The following GNG7 variants were observed in gnomAD, a reference collection of about 807,000 sequenced individuals.
GNG7 encodes the protein guanine nucleotide-binding protein G(I)/G(S)/G(O) subunit gamma-7.
Under a neutral mutation model 4.0 loss-of-function variants are expected in GNG7, and 1 was observed. That is an observed-to-expected ratio of 0.25 (90% confidence interval 0.09 to 1.18). The LOEUF (loss-of-function observed/expected upper bound fraction) is 1.18. GNG7 is among the 50% of genes most tolerant of loss of function. The pLI is 0.50. For synonymous variants in GNG7, 34 were observed against 36.9 expected (o/e 0.92, Z 0.29); for missense variants, 86 against 91.9 (o/e 0.94, Z 0.26).
At chr19:2,558,250 G>GT (rs57101652) in intron 2 of GNG7, among the ~76,000 whole-genome samples, 33 of 145,834 alleles carry the variant, frequency 2.3e-4, no homozygotes, top group South Asian at 4.3e-4. Context: ...TTTTGTTTTT[G>GT]TTTTTTTTTT....
chr19:2,537,818 A>G (rs1978793174), intron 3 of GNG7, among the ~76,000 whole-genome samples: 1 of 152,104 alleles, frequency 6.6e-6, no homozygotes, highest in Non-Finnish European at 1.5e-5. Flanking sequence ...TCAAAAGAAC[A>G]TAATGAATGC....
At chr19:2,523,506 A>T (rs372840595) in intron 3 of GNG7, among the ~76,000 whole-genome samples, 8 of 152,198 alleles carry the variant, frequency 5.3e-5, no homozygotes, top group African/African-American at 1.9e-4. Flanking sequence ...TGGGCAATTT[A>T]GTGAGACCCC....
rs952843728 is a variant in GNG7 at position 2,603,995 on chromosome 19, C to T, written c.-78+42229G>A. Among the ~76,000 whole-genome samples, 38 of 152,036 alleles carry T rather than the reference C, an allele frequency of 2.5e-4. No homozygotes were observed. The South Asian group carries it at 5.6e-3, about 23-fold the overall frequency. ...CCTCCTGAGTAGCTGGGACTACAGG[C>T]GCCCGCCACCACGCCCCGCTAATTT... On this transcript the variant is annotated intron_variant, in intron 2 of 4. Coordinates refer to ENST00000382159, the MANE Select transcript of GNG7 (RefSeq NM_052847.3).
rs779497111 is a variant in GNG7, at chr19:2,571,588, CTTTTT to C, written c.-77-16405_-77-16401del. 8.6e-3 allele frequency among the ~76,000 whole-genome samples: 584 copies of C among 68,012 alleles called. 4 individuals are homozygous for C. Among genetic ancestry groups the C allele is most frequent in the African/African-American group, 0.035 (538 of 15,412 alleles). 44.6% of individuals were successfully genotyped at this position (68,012 alleles called of 152,430 possible). A position where few individuals can be genotyped will look rare whatever the true frequency, so the allele number is the denominator to read the frequency against. ...GGTCACTTTTCTTTTCATTTCTTTC[CTTTTT>C]TTTTTTTTTTTTTTTTTTTTGAGAT... On this transcript the variant is annotated intron_variant, in intron 2 of 4. Transcript: ENST00000382159.
intron 3 of GNG7, among the ~76,000 whole-genome samples, chr19:2,553,876 A>G (rs958055320): frequency 2.0e-5 from 3 of 148,490 alleles, no homozygotes; most frequent in Admixed American, 1.4e-4. Flanking sequence ...AACATTGCAT[A>G]CATGTACATA....
chr19:2,634,392 G>T lies in GNG7; in HGVS notation c.-78+11832C>A, dbSNP rs540567061. On this transcript the variant is annotated intron_variant, in intron 2 of 4. Transcript: ENST00000382159. The surrounding 1 kb of genome is among the most constrained non-coding windows in gnomAD (Gnocchi z 5.3). ...AAATTGCTCAGTGTCCCCGGGGTTG[G>T]GGGTGGGGGGCGGCATCACCCAGAT... is the stretch of plus-strand genomic sequence containing the variant. Among the ~76,000 whole-genome samples the T allele has an allele frequency of 6.6e-6, 1 of 152,260 alleles. No individual in the cohort carries two copies. Among genetic ancestry groups the T allele is most frequent in the South Asian group, 2.1e-4 (1 of 4,820 alleles).
At chr19:2,675,354 C>T (rs1223503900) in intron 1 of GNG7, among the ~76,000 whole-genome samples, 1 of 152,174 alleles carries the variant, frequency 6.6e-6, no homozygotes, top group African/African-American at 2.4e-5. Context: ...CCTCCAGGCT[C>T]AAGGGGACAC....
At chr19:2,665,295 T>C (rs1983277975) in intron 1 of GNG7, among the ~76,000 whole-genome samples, 1 of 151,030 alleles carries the variant, frequency 6.6e-6, no homozygotes, top group African/African-American at 2.4e-5. Context: ...CTCCAGCCAC[T>C]GCATGCCCGG....
intron 2 of GNG7, among the ~76,000 whole-genome samples, chr19:2,573,575 C>T (rs139595489): frequency 4.6e-5 from 7 of 151,754 alleles, no homozygotes; most frequent in Non-Finnish European, 1.0e-4. Context: ...CCAGCAGTTT[C>T]GGAGGCCGAG....
intron 2 of GNG7, among the ~76,000 whole-genome samples, chr19:2,583,661 A>C (rs1980564883): frequency 6.6e-6 from 1 of 152,216 alleles, no homozygotes; most frequent in Non-Finnish European, 1.5e-5. Context: ...ACTTTACCTG[A>C]AGAATTATTA....
intron 1 of GNG7, among the ~76,000 whole-genome samples, chr19:2,696,431 AAG>A (rs1456600686): frequency 6.6e-6 from 1 of 151,976 alleles, no homozygotes; most frequent in African/African-American, 2.4e-5. Context: ...GAAGGAAAGA[AAG>A]AAAGAAAGAG....
chr19:2,561,360 C>T (rs1258268748), intron 2 of GNG7, among the ~76,000 whole-genome samples: 2 of 152,132 alleles, frequency 1.3e-5, no homozygotes, highest in East Asian at 3.9e-4. Context: ...TGGCCCAACC[C>T]CAGAGAATGA....
chr19:2,651,524 T>C (rs1161485183), intron 1 of GNG7, among the ~76,000 whole-genome samples: 1 of 142,476 alleles, frequency 7.0e-6, no homozygotes, highest in Non-Finnish European at 1.5e-5. Flanking sequence ...TCTTTCCTTC[T>C]TTCTTCTTTC....
intron 1 of GNG7, among the ~76,000 whole-genome samples, chr19:2,665,260 C>T (rs963685743): frequency 6.6e-6 from 1 of 152,082 alleles, no homozygotes; most frequent in Non-Finnish European, 1.5e-5. Context: ...CTGAGCACTG[C>T]AGCACGCTGA....
intron 2 of GNG7, among the ~76,000 whole-genome samples, chr19:2,581,548 C>T (rs1267055946): frequency 6.6e-6 from 1 of 152,098 alleles, no homozygotes; most frequent in Non-Finnish European, 1.5e-5. Flanking sequence ...GTGTCTGCAG[C>T]CAGGACGCCT....
chr19:2,695,856 G>C (rs762120907), intron 1 of GNG7, among the ~76,000 whole-genome samples: 15 of 152,110 alleles, frequency 9.9e-5, no homozygotes, highest in Non-Finnish European at 2.1e-4. Flanking sequence ...CACTGAGATG[G>C]GAAAGAAAGC....
At chr19:2,598,358 T>C (rs1362000445) in intron 2 of GNG7, among the ~76,000 whole-genome samples, 1 of 151,780 alleles carries the variant, frequency 6.6e-6, no homozygotes. Context: ...ACCACATCTC[T>C]ACTGAAAATA....
chr19:2,646,484 G>C (rs139197011), intron 1 of GNG7, among the ~76,000 whole-genome samples: 9 of 152,120 alleles, frequency 5.9e-5, no homozygotes, highest in Admixed American at 4.6e-4. Context: ...TCAGAAGTTC[G>C]AGACCAGCCT....
At chr19:2,678,962 T>A (rs115560390) in intron 1 of GNG7, among the ~76,000 whole-genome samples, 1,535 of 152,038 alleles carry the variant, frequency 0.01, 18 homozygotes, top group African/African-American at 0.029. Flanking sequence ...TCCTATCCCA[T>A]CTCCCCAAGA....
Sources: allele counts gnomAD v4.1 joint callset (sites outside exome capture counted in the v4.1 genomes callset), GRCh38; gene constraint gnomAD v4.1.1; non-coding constraint Gnocchi (gnomAD v3.1); transcripts MANE v1.5; gene names NCBI Gene and HGNC (gene_info 2026-07-23, HGNC 2026-07-21).